The following SNAP91 variants were observed in gnomAD, a reference collection of about 807,000 sequenced individuals.
The protein encoded by SNAP91 is clathrin coat assembly protein AP180.
A neutral mutation model predicts 100.3 loss-of-function variants in SNAP91; 27 were observed. The ratio of observed to expected loss-of-function variants is 0.27; its 90% CI spans 0.20 to 0.37. The LOEUF (loss-of-function observed/expected upper bound fraction) is 0.37, where lower values mean the gene tolerates loss of function less well. SNAP91 is among the 10% of genes least tolerant of loss of function. The pLI, the probability that SNAP91 is intolerant of heterozygous loss-of-function variation, is 1.00. For synonymous variants in SNAP91, 404 were observed against 398.6 expected (o/e 1.01, Z -0.16); for missense variants, 986 against 1,123.7 (o/e 0.88, Z 1.75).
chr6:83,572,554 C>CT (rs907012182), intron 26 of SNAP91, among the ~76,000 whole-genome samples: 39 of 151,310 alleles, frequency 2.6e-4, no homozygotes, highest in Non-Finnish European at 4.4e-4. Flanking sequence ...GCCCAGCCAA[C>CT]TTTTTTTTTC....
At chr6:83,620,697 A>G in intron 9 of SNAP91, among the ~76,000 whole-genome samples, 1 of 151,470 alleles carries the variant, frequency 6.6e-6, no homozygotes, top group Non-Finnish European at 1.5e-5. Flanking sequence ...GAATTTTTCT[A>G]TGAACAGGTT....
At chr6:83,633,436 C>T (rs377356304) in intron 8 of SNAP91, among the ~76,000 whole-genome samples, 18 of 152,126 alleles carry the variant, frequency 1.2e-4, no homozygotes, top group African/African-American at 4.1e-4. Flanking sequence ...GGCCCTAGAA[C>T]TCCCAAGAGT....
At chr6:83,663,857 G>A (rs2098616529) in intron 3 of SNAP91, among the ~76,000 whole-genome samples, 3 of 152,128 alleles carry the variant, frequency 2.0e-5, no homozygotes, top group African/African-American at 7.2e-5. Context: ...GGAGAATACA[G>A]TACCTGACTT....
At chr6:83,590,201 T>G (rs910681) in intron 22 of SNAP91, among the ~76,000 whole-genome samples, 6,393 of 152,204 alleles carry the variant, frequency 0.042, 416 homozygotes, top group East Asian at 0.19. Flanking sequence ...CCTGTCTAAG[T>G]AAAATCAGAG....
intron 17 of SNAP91, among the ~76,000 whole-genome samples, 192 bp from the exon 18 acceptor site, chr6:83,593,933 C>T (rs536893339): frequency 6.6e-6 from 1 of 152,238 alleles, no homozygotes; most frequent in South Asian, 2.1e-4. Flanking sequence ...AAAAGGAAAA[C>T]TTAGTAGGTA....
chr6:83,616,047 G>A (rs1054313394), intron 10 of SNAP91, among the ~76,000 whole-genome samples: 17 of 152,232 alleles, frequency 1.1e-4, no homozygotes, highest in South Asian at 1.0e-3. Flanking sequence ...GTGTTTAAAT[G>A]GACATAATGA....
chr6:83,660,800 G>T (rs1216355990), intron 5 of SNAP91, among the ~76,000 whole-genome samples: 1 of 150,262 alleles, frequency 6.7e-6, no homozygotes, highest in Admixed American at 6.6e-5. Flanking sequence ...TTTGACACAG[G>T]GTCTTAGAGA....
At position 83,697,131 on chromosome 6, in the gene SNAP91, GTTAA is replaced by G. The variant is rs1413327488; in HGVS notation, c.130+10663_130+10666del. Among the ~76,000 whole-genome samples, 6 of 152,086 alleles carry G rather than the reference GTTAA, an allele frequency of 3.9e-5. No homozygotes were observed. The East Asian group carries it at 9.6e-4, about 24-fold the overall frequency. ...AAGTTGTTAATGGAAATTTTATCAC[GTTAA>G]TTAATAGTATCACCAATAACTTAGT... On this transcript the variant is annotated intron_variant, in intron 2 of 29. Transcript: ENST00000369694.
chr6:83,655,027 C>A (rs2098357728), intron 7 of SNAP91, among the ~76,000 whole-genome samples: 1 of 152,138 alleles, frequency 6.6e-6, no homozygotes, highest in African/African-American at 2.4e-5. Flanking sequence ...CATAGGATAT[C>A]ATTTTGATGA....
intron 27 of SNAP91, 35 bp from the exon 28 acceptor site, chr6:83,560,243 G>A: frequency 6.7e-7 from 1 of 1,483,684 alleles, no homozygotes; most frequent in Non-Finnish European, 9.4e-7. Context: ...TTCAGAGCAT[G>A]AGTGGAACTC....
At chr6:83,678,942 G>T in intron 2 of SNAP91, 6 of 1,010,358 alleles carry the variant, frequency 5.9e-6, no homozygotes, top group Admixed American at 5.3e-5. Flanking sequence ...TAATATCTAA[G>T]TGAAATGAAA....
intron 26 of SNAP91, among the ~76,000 whole-genome samples, chr6:83,574,139 T>G (rs1357557372): frequency 5.3e-5 from 8 of 152,116 alleles, no homozygotes; most frequent in Non-Finnish European, 8.8e-5. Context: ...AAGGATAACA[T>G]CAAGAAAGCC....
rs1191641250 is a variant in SNAP91 at position 83,621,002 on chromosome 6, C to G, written c.807+2299G>C. On this transcript the variant is annotated intron_variant, in intron 9 of 29. Coordinates refer to ENST00000369694, the MANE Select transcript of SNAP91 (RefSeq NM_001242792.2). ...ACAGGCGTGAGCCACCGCGCCCAGC[C>G]TGAACAGGTAATTTAAAAATAAATA... is the stretch of plus-strand genomic sequence containing the variant. Among the ~76,000 whole-genome samples the G allele has an allele frequency of 2.6e-5, 4 of 152,108 alleles. 1 individual carries two copies. Among genetic ancestry groups the G allele is most frequent in the African/African-American group, 9.7e-5 (4 of 41,396 alleles).
At chr6:83,671,998 A>G (rs2098794049) in intron 2 of SNAP91, among the ~76,000 whole-genome samples, 1 of 151,516 alleles carries the variant, frequency 6.6e-6, no homozygotes, top group African/African-American at 2.4e-5. Flanking sequence ...CTTGCTCAAA[A>G]CCCCCTGGGG....
chr6:83,571,567 T>C (rs541948598), intron 26 of SNAP91, among the ~76,000 whole-genome samples: 26 of 152,342 alleles, frequency 1.7e-4, no homozygotes, highest in African/African-American at 5.8e-4. Context: ...ATGGCGGTAT[T>C]TACCCAAAGC....
rs182205454 is a variant in SNAP91 at position 83,645,240 on chromosome 6, T to A, written c.659-4038A>T. Among the ~76,000 whole-genome samples, 1,256 of 152,140 alleles carry A rather than the reference T, an allele frequency of 8.3e-3. 11 individuals are homozygous for A. The highest frequency in any genetic ancestry group is 0.013 in the Non-Finnish European group (861 of 68,002). On this transcript the variant is annotated intron_variant, in intron 7 of 29. Coordinates refer to ENST00000369694, the MANE Select transcript of SNAP91 (RefSeq NM_001242792.2). ...ACTATGCACAGGGTAAAGGGATATA[T>A]CCTGACTTTTTTTTTTTTAGAAAAA... is the stretch of plus-strand genomic sequence containing the variant.
At chr6:83,646,328 G>A (rs2097915543) in intron 7 of SNAP91, among the ~76,000 whole-genome samples, 1 of 152,102 alleles carries the variant, frequency 6.6e-6, no homozygotes. Flanking sequence ...TTTCTCCTAT[G>A]TTACCTTCCA....
In SNAP91 at chr6:83,707,873, C is replaced by T. The variant is rs2099401313; in HGVS notation, c.55G>A (p.Gly19Ser). ...RIAAAQYSVT[G>S]SAVARAVCKA... is the part of the protein sequence containing the mutation. ...CAGACCGCTCTTGCTACAGCAGAGCCTGTAACGCTGTACTGAGCGGCGGCG... is the reference window on the plus strand; with the variant it reads ...CAGACCGCTCTTGCTACAGCAGAGCTTGTAACGCTGTACTGAGCGGCGGCG... Residue 19 changes from glycine (G) to serine (S), a missense_variant, in exon 2 of 30, where the codon GGC becomes AGC. Physicochemically the swap from Gly to Ser is moderately conservative, Grantham distance 56. Coordinates refer to ENST00000369694, the MANE Select transcript of SNAP91 (RefSeq NM_001242792.2). 1 of 1,611,454 alleles carries T rather than the reference C, an allele frequency of 6.2e-7. No individual in the cohort carries two copies. Among genetic ancestry groups the T allele is most frequent in the Admixed American group, 1.7e-5 (1 of 59,436 alleles).
chr6:83,685,184 T>C (rs1478298349), intron 2 of SNAP91, among the ~76,000 whole-genome samples: 1 of 152,214 alleles, frequency 6.6e-6, no homozygotes, highest in East Asian at 1.9e-4. Flanking sequence ...GTTAACACAG[T>C]TGCCAGGTCA....
Sources: allele counts gnomAD v4.1 joint callset (sites outside exome capture counted in the v4.1 genomes callset), GRCh38; gene constraint gnomAD v4.1.1; transcripts MANE v1.5; gene names NCBI Gene and HGNC (gene_info 2026-07-23, HGNC 2026-07-21).